SH3PXD2A: variants seen among roughly 807,000 people sequenced by gnomAD.
SH3PXD2A encodes SH3 and PX domains 2A.
Under a neutral mutation model 115.2 loss-of-function variants are expected in SH3PXD2A, and 32 were observed. The ratio of observed to expected loss-of-function variants is 0.28; its 90% confidence interval spans 0.21 to 0.37. The LOEUF is 0.37. SH3PXD2A is among the 10% of genes least tolerant of loss of function. SH3PXD2A has a pLI of 1.00. For missense variants in SH3PXD2A, 1,328 were observed against 1,498.7 expected (o/e 0.89, Z 1.88); for synonymous variants, 610 against 629.1 (o/e 0.97, Z 0.45).
rs536222201 is a variant in SH3PXD2A at position 103,773,605 on chromosome 10, A to G, written c.154-6436T>C. Among the ~76,000 whole-genome samples the G allele has an allele frequency of 1.7e-4, 26 of 150,302 alleles. No individual in the cohort carries two copies. The South Asian group carries it at 4.2e-3, about 25-fold the overall frequency. On this transcript the variant is annotated intron_variant, in intron 2 of 14. Transcript: ENST00000369774. ...CAGGTGTGTGCCACCATGCCCGGCT[A>G]ATATTTTGTATTTTTAGTAGAGACG...
chr10:103,700,482 C>A (rs373365008), intron 5 of SH3PXD2A, among the ~76,000 whole-genome samples: 1 of 152,104 alleles, frequency 6.6e-6, no homozygotes, highest in Admixed American at 6.5e-5. Flanking sequence ...TGTGTGAGAC[C>A]CTGGCTCTGT....
At chr10:103,818,199 G>A (rs1019740027) in intron 1 of SH3PXD2A, among the ~76,000 whole-genome samples, 2 of 152,210 alleles carry the variant, frequency 1.3e-5, no homozygotes, top group African/African-American at 4.8e-5. Flanking sequence ...TCCTGCAAGA[G>A]CCAATCAAGA....
At chr10:103,670,625 C>T (rs2037444698) in intron 6 of SH3PXD2A, among the ~76,000 whole-genome samples, 1 of 152,224 alleles carries the variant, frequency 6.6e-6, no homozygotes, top group South Asian at 2.1e-4. Context: ...CACAGTCACT[C>T]TCAGACACCG....
chr10:103,651,054 T>G (rs2037112093), intron 8 of SH3PXD2A, among the ~76,000 whole-genome samples: 1 of 152,184 alleles, frequency 6.6e-6, no homozygotes, highest in Non-Finnish European at 1.5e-5. Context: ...TGATGAATGC[T>G]GGGGTAGGGG....
At chr10:103,755,713 C>T (rs1388077235) in intron 3 of SH3PXD2A, among the ~76,000 whole-genome samples, 4 of 152,178 alleles carry the variant, frequency 2.6e-5, no homozygotes, top group Non-Finnish European at 4.4e-5. Flanking sequence ...TGAACCAGAT[C>T]TGCAGGAGCC....
intron 2 of SH3PXD2A, among the ~76,000 whole-genome samples, 188 bp downstream of exon 2, chr10:103,801,094 T>C (rs1278064695): frequency 6.6e-6 from 1 of 152,170 alleles, no homozygotes; most frequent in Non-Finnish European, 1.5e-5. Flanking sequence ...GTCCTGAGTG[T>C]CTGCCTGCAG....
At position 103,602,189 on chromosome 10, in the gene SH3PXD2A, C is replaced by T. The variant is rs576268163; in HGVS notation, c.3029G>A (p.Arg1010Gln). 68 of 1,580,904 alleles carry T rather than the reference C, an allele frequency of 4.3e-5. No individual in the cohort carries two copies. The South Asian group carries it at 6.1e-4, about 14-fold the overall frequency. The change falls in exon 15 of 15, where the codon CGA becomes CAA. Residue 1010 changes from arginine (R) to glutamine (Q), a missense_variant. Around this residue, in one of 5 missense-constraint regions of SH3PXD2A, gnomAD observed 574 missense variants for 565.7 expected, o/e 1.01. Transcript: ENST00000369774. Reference sequence around the variant, plus strand: ...AAAGGAGGAGTTCCGTCGGACGCCTCGGAGGCCATCAGTGGCCGTGAGTGA... The same window carrying T: ...AAAGGAGGAGTTCCGTCGGACGCCTTGGAGGCCATCAGTGGCCGTGAGTGA... ...NESLTATDGLRGVRRNSSFST... is the reference protein window; with the variant it reads ...NESLTATDGLQGVRRNSSFST...
In SH3PXD2A at chr10:103,701,749, C is replaced by T. The variant is rs1182956076; in HGVS notation, c.399-8693G>A. Among the ~76,000 whole-genome samples, 11 of 146,740 alleles carry T rather than the reference C, an allele frequency of 7.5e-5. No homozygotes were observed. In the East Asian group the frequency reaches 1.3e-3, roughly 17 times the overall value. ...TCCATCATTCATCCAGCCATCCATC[C>T]GTCCATCATCCATCCAGCCATCCAT... On this transcript the variant is annotated intron_variant, in intron 5 of 14. Coordinates refer to ENST00000369774, the MANE Select transcript of SH3PXD2A (RefSeq NM_001394015.1).
chr10:103,691,746 CCA>C (rs1365967820), intron 6 of SH3PXD2A, among the ~76,000 whole-genome samples: 3 of 151,930 alleles, frequency 2.0e-5, no homozygotes, highest in Non-Finnish European at 4.4e-5. Context: ...TATATCTCAA[CCA>C]CACACACACC....
chr10:103,820,809 G>A (rs1450903171), intron 1 of SH3PXD2A, among the ~76,000 whole-genome samples: 8 of 152,152 alleles, frequency 5.3e-5, no homozygotes, highest in Non-Finnish European at 7.3e-5. Flanking sequence ...AGGGGCTGGC[G>A]CACATGGCCA....
intron 11 of SH3PXD2A, 60 bp from the exon 12 acceptor site, chr10:103,613,250 A>G (rs2036456005): frequency 7.5e-6 from 10 of 1,338,914 alleles, no homozygotes; most frequent in Non-Finnish European, 1.0e-5. Context: ...GCCCACTCCC[A>G]GGCCCTAGGA....
At chr10:103,826,249 T>A (rs2039429580) in intron 1 of SH3PXD2A, among the ~76,000 whole-genome samples, 1 of 152,174 alleles carries the variant, frequency 6.6e-6, no homozygotes, top group African/African-American at 2.4e-5. Context: ...TGTGTTGGGC[T>A]CCTGGCTGGG....
At chr10:103,779,772 C>A (rs2038915122) in intron 2 of SH3PXD2A, among the ~76,000 whole-genome samples, 1 of 152,172 alleles carries the variant, frequency 6.6e-6, no homozygotes, top group South Asian at 2.1e-4. Context: ...GAGGTGTTTT[C>A]TGGCAGGTTC....
At chr10:103,853,664 G>A (rs1470780578) in intron 1 of SH3PXD2A, among the ~76,000 whole-genome samples, 1 of 152,098 alleles carries the variant, frequency 6.6e-6, no homozygotes, top group East Asian at 1.9e-4. Flanking sequence ...CCATCGGTGG[G>A]AGCTGAAATG....
chr10:103,650,033 G>A (rs2037094904), intron 8 of SH3PXD2A, among the ~76,000 whole-genome samples: 1 of 152,262 alleles, frequency 6.6e-6, no homozygotes, highest in South Asian at 2.1e-4. Flanking sequence ...GGCACGTGAA[G>A]CTGATCTTGT....
chr10:103,822,462 C>G (rs574696505), intron 1 of SH3PXD2A, among the ~76,000 whole-genome samples: 2 of 152,354 alleles, frequency 1.3e-5, no homozygotes, highest in South Asian at 4.1e-4. Flanking sequence ...GCCATGGCCC[C>G]CCATTCCCTA....
At chr10:103,742,017 C>T (rs887812067) in intron 3 of SH3PXD2A, among the ~76,000 whole-genome samples, 30 of 152,242 alleles carry the variant, frequency 2.0e-4, no homozygotes, top group African/African-American at 6.5e-4. Context: ...GGCATGGTGG[C>T]GCACGCCTGT....
rs12219007 is a variant in SH3PXD2A, at chr10:103,750,582, G to A, written c.230-14774C>T. ...TGCCTTTTTCATGAGCCCCCTGAGCGATTCTCATGTACCTCTGAGGCTGAG... is the reference window on the plus strand; with the variant it reads ...TGCCTTTTTCATGAGCCCCCTGAGCAATTCTCATGTACCTCTGAGGCTGAG... On this transcript the variant is annotated intron_variant, in intron 3 of 14. Coordinates refer to ENST00000369774, the MANE Select transcript of SH3PXD2A (RefSeq NM_001394015.1). 7.0e-3 allele frequency among the ~76,000 whole-genome samples: 1,061 copies of A among 152,278 alleles called. 38 individuals are homozygous for A. Among genetic ancestry groups the A allele is most frequent in the Admixed American group, 0.046 (697 of 15,288 alleles).
At chr10:103,637,773 C>T (rs1306952192) in intron 8 of SH3PXD2A, among the ~76,000 whole-genome samples, 1 of 152,124 alleles carries the variant, frequency 6.6e-6, no homozygotes, top group Non-Finnish European at 1.5e-5. Flanking sequence ...CTGAGGGCAT[C>T]CTGGCCAGGC....
Sources: gnomAD v4.1 joint callset for allele counts (sites outside exome capture counted in the v4.1 genomes callset) on GRCh38, gnomAD v4.1.1 for gene constraint, gnomAD v4.1.1 regional missense constraint, MANE v1.5 for transcripts, NCBI Gene and HGNC (gene_info 2026-07-23, HGNC 2026-07-21) for gene names.